The following SVIL variants were observed in gnomAD, a reference collection of about 807,000 sequenced individuals.
SVIL encodes the protein archvillin.
In SVIL, 101 loss-of-function variants were observed where a neutral mutation model predicts 240.4. The observed-to-expected ratio is 0.42, with a 90% CI of 0.36 to 0.50. SVIL has a LOEUF of 0.50. Among genes scored for constraint, SVIL ranks in the 20% least tolerant of loss-of-function variants. SVIL has a pLI of 0.01. For missense variants in SVIL, 2,512 were observed against 2,818.7 expected (o/e 0.89, Z 2.46); for synonymous variants, 999 against 1,100.0 (o/e 0.91, Z 1.82).
At chr10:29,570,363 C>G (rs1266201982) in intron 1 of SVIL, among the ~76,000 whole-genome samples, 1 of 152,160 alleles carries the variant, frequency 6.6e-6, no homozygotes, top group Non-Finnish European at 1.5e-5. Flanking sequence ...AGTCACTTCC[C>G]AATAGTGCAT....
chr10:29,649,561 G>A (rs1328271844), intron 3 of SVIL, among the ~76,000 whole-genome samples: 1 of 152,040 alleles, frequency 6.6e-6, no homozygotes, highest in Non-Finnish European at 1.5e-5. Flanking sequence ...TTGTGTTATG[G>A]TAGGCCATCT....
Position 29,665,227 on chromosome 10 carries a change from C to CAAAA in SVIL, c.-300-7163_-300-7160dup, listed in dbSNP as rs58164251. Among the ~76,000 whole-genome samples, 167 of 67,268 alleles carry CAAAA rather than the reference C, an allele frequency of 2.5e-3. 7 individuals carry two copies. Among genetic ancestry groups the CAAAA allele is most frequent in the African/African-American group, 8.0e-3 (127 of 15,960 alleles). The allele number at this position is 67,268 out of a possible 152,430, so 44.1% of individuals were successfully genotyped here. ...TGGGTGACAGAGCAAGATCTTGTCTCAAAAAAAAAAAAAAAAAAAAAAAAG... is the reference window on the plus strand; with the variant it reads ...TGGGTGACAGAGCAAGATCTTGTCTCAAAAAAAAAAAAAAAAAAAAAAAAAAAAG... On this transcript the variant is annotated intron_variant, in intron 2 of 35. Coordinates refer to the SVIL transcript ENST00000375400.
chr10:29,491,225 C>A (rs1385296515), intron 21 of SVIL, among the ~76,000 whole-genome samples: 1 of 152,182 alleles, frequency 6.6e-6, no homozygotes, highest in Non-Finnish European at 1.5e-5. Flanking sequence ...CTCAGCCACA[C>A]CCGGATGCCC....
intron 1 of SVIL, among the ~76,000 whole-genome samples, chr10:29,727,668 C>T (rs1034642326): frequency 2.7e-5 from 4 of 149,704 alleles, no homozygotes; most frequent in African/African-American, 9.9e-5. Flanking sequence ...CAGACTATTT[C>T]GGCATGGGTA....
intron 1 of SVIL, among the ~76,000 whole-genome samples, chr10:29,724,584 T>A (rs560120527): frequency 6.6e-6 from 1 of 152,114 alleles, no homozygotes; most frequent in Non-Finnish European, 1.5e-5. Flanking sequence ...AATATATAAA[T>A]CCTATTTCAA....
chr10:29,576,610 C>A (rs1467525560), intron 1 of SVIL, among the ~76,000 whole-genome samples: 1 of 152,110 alleles, frequency 6.6e-6, no homozygotes, highest in Non-Finnish European at 1.5e-5. Flanking sequence ...AGTGGTGTGA[C>A]CATAGTTCAC....
At chr10:29,644,065 A>C in intron 3 of SVIL, 1 of 511,396 alleles carries the variant, frequency 2.0e-6, no homozygotes, top group Non-Finnish European at 3.9e-6. Flanking sequence ...TTGGGCCACT[A>C]GATATCTAAA....
chr10:29,679,990 G>A (rs930276284), intron 2 of SVIL, among the ~76,000 whole-genome samples: 1 of 151,664 alleles, frequency 6.6e-6, no homozygotes, highest in Non-Finnish European at 1.5e-5. Flanking sequence ...CGAGACCCTC[G>A]GCAATATAGC....
intron 2 of SVIL, among the ~76,000 whole-genome samples, chr10:29,566,433 C>G (rs1474745232): frequency 1.3e-5 from 2 of 152,170 alleles, no homozygotes; most frequent in Non-Finnish European, 2.9e-5. Flanking sequence ...ACAGGAGGAG[C>G]AGGAGCAGGC....
At chr10:29,486,623 C>A in intron 24 of SVIL, 66 bp from the exon 25 acceptor site, 1 of 1,590,268 alleles carries the variant, frequency 6.3e-7, no homozygotes, top group Non-Finnish European at 8.6e-7. Flanking sequence ...TGGCACATGT[C>A]AAAACCAGAG....
Position 29,484,810 on chromosome 10 carries a change from T to G in SVIL, c.4801A>C (p.Ser1601Arg). The change falls in exon 27 of 38, where the codon AGT (serine) becomes CGT (arginine). Residue 1601 changes from serine (S) to arginine (R), a missense_variant. Physicochemically the swap from Ser to Arg is moderately radical, Grantham distance 110 (BLOSUM62 -1). Transcript: ENST00000355867. The surrounding 1 kb of genome is among the most constrained non-coding windows in gnomAD (Gnocchi z 4.7). ...PKEVLVFDFG[S>R]EVYVWHGKEV... ...TTCCCATGCCATACGTAAACTTCAC[T>G]ACCAAAATCAAACACCAGTACCTGG... 1 of 1,610,988 alleles carries G rather than the reference T, an allele frequency of 6.2e-7. No individual in the cohort carries two copies. Among genetic ancestry groups the G allele is most frequent in the Non-Finnish European group, 8.5e-7 (1 of 1,178,816 alleles).
chr10:29,660,230 G>A (rs897061775), intron 2 of SVIL, among the ~76,000 whole-genome samples: 2 of 151,874 alleles, frequency 1.3e-5, no homozygotes, highest in African/African-American at 4.8e-5. Context: ...GATTGTTTGG[G>A]CCCAGGAGTT....
chr10:29,551,888 G>T (rs975019439), intron 5 of SVIL, among the ~76,000 whole-genome samples: 2 of 152,154 alleles, frequency 1.3e-5, no homozygotes, highest in East Asian at 3.9e-4. Context: ...AGGTGGGAGG[G>T]TGGCTGGAGG....
rs182446727 is a variant in SVIL at position 29,627,309 on chromosome 10, C to T, written c.-201+7111G>A. Among the ~76,000 whole-genome samples, 8 of 152,058 alleles carry T rather than the reference C, an allele frequency of 5.3e-5. No homozygotes were observed. In the East Asian group the frequency reaches 1.6e-3, roughly 30 times the overall value. Reference sequence around the variant, plus strand: ...TCTGAAACCTTTGGATTACAGAATCCCAATACGTAAAAGGGGTCTTAAAAA... The same window carrying T: ...TCTGAAACCTTTGGATTACAGAATCTCAATACGTAAAAGGGGTCTTAAAAA... On this transcript the variant is annotated intron_variant, in intron 1 of 37. Transcript: ENST00000355867.
intron 1 of SVIL, among the ~76,000 whole-genome samples, chr10:29,706,925 G>T (rs1231040959): frequency 2.0e-5 from 3 of 152,032 alleles, no homozygotes; most frequent in African/African-American, 7.2e-5. Flanking sequence ...TTGTTGTTTG[G>T]TTTGTCGAAG....
At chr10:29,463,721 G>A in intron 34 of SVIL, 86 bp from the exon 35 acceptor site, 1 of 1,537,810 alleles carries the variant, frequency 6.5e-7, no homozygotes. Context: ...AGTGGATGTT[G>A]TCCCTCTTGA....
chr10:29,467,931 A>C, intron 32 of SVIL, 56 bp from the exon 33 acceptor site: 1 of 1,569,946 alleles, frequency 6.4e-7, no homozygotes. Flanking sequence ...CTGGTGACCC[A>C]AAATTATTAT....
chr10:29,498,993 T>G, intron 18 of SVIL, 123 bp downstream of exon 18: 1 of 1,406,474 alleles, frequency 7.1e-7, no homozygotes, highest in Non-Finnish European at 9.4e-7. Flanking sequence ...AGAAAAAACT[T>G]AAAAAGACCA....
Position 29,648,587 on chromosome 10 carries a change from A to G in SVIL, c.-201+9382T>C, listed in dbSNP as rs374941490. Among the ~76,000 whole-genome samples the G allele has an allele frequency of 1.8e-3, 278 of 152,318 alleles. 2 individuals carry two copies. The highest frequency in any genetic ancestry group is 6.4e-3 in the African/African-American group (267 of 41,580). The stretch of plus-strand genomic sequence containing the variant: ...CTTCTCTGGAGAGGCAGTTAGTTCT[A>G]AGAAAAGCCAACCAAACCTCTCCTC... On this transcript the variant is annotated intron_variant, in intron 3 of 35. Coordinates refer to the SVIL transcript ENST00000375400.
Sources: gnomAD v4.1 joint callset for allele counts (sites outside exome capture counted in the v4.1 genomes callset) on GRCh38, gnomAD v4.1.1 for gene constraint, Gnocchi (gnomAD v3.1) non-coding constraint, MANE v1.5 for transcripts, NCBI Gene and HGNC (gene_info 2026-07-23, HGNC 2026-07-21) for gene names.